ELP4: variants seen among roughly 807,000 people sequenced by gnomAD.
The protein encoded by ELP4 is elongator complex protein 4.
In ELP4, 51 loss-of-function variants were observed where a neutral mutation model predicts 48.9. The ratio of observed to expected loss-of-function variants is 1.04; its 90% CI spans 0.83 to 1.32. ELP4 has a LOEUF of 1.32. ELP4 is among the 40% of genes most tolerant of loss of function. The pLI is 0.00. For missense variants in ELP4, 519 were observed against 514.6 expected, an observed-to-expected ratio of 1.01 and a Z score of -0.08; for synonymous variants, 210 against 189.2, an observed-to-expected ratio of 1.11 and a Z score of -0.90.
At chr11:31,533,637 C>T (rs953474805) in intron 2 of ELP4, among the ~76,000 whole-genome samples, 2 of 151,660 alleles carry the variant, frequency 1.3e-5, no homozygotes, top group Non-Finnish European at 2.9e-5. Context: ...ATCCGCCCGC[C>T]TTGGCCTCCC....
chr11:31,558,003 A>G (rs1376125042), intron 3 of ELP4, among the ~76,000 whole-genome samples: 6 of 152,110 alleles, frequency 3.9e-5, no homozygotes, highest in Admixed American at 6.6e-5. Flanking sequence ...AGGCAGAGCT[A>G]TAATCAGAAT....
chr11:31,714,074 T>C (rs1946794237), intron 9 of ELP4, among the ~76,000 whole-genome samples: 1 of 152,096 alleles, frequency 6.6e-6, no homozygotes, highest in Admixed American at 6.6e-5. Flanking sequence ...TGTGATGGTA[T>C]AGAAAAGACC....
intron 5 of ELP4, among the ~76,000 whole-genome samples, chr11:31,618,142 A>G (rs554515099): frequency 6.6e-6 from 1 of 152,244 alleles, no homozygotes; most frequent in South Asian, 2.1e-4. Flanking sequence ...TATTTATTTC[A>G]CCATAAAAAG....
intron 9 of ELP4, among the ~76,000 whole-genome samples, chr11:31,759,154 AAAG>A (rs1947893620): frequency 6.6e-6 from 1 of 152,210 alleles, no homozygotes; most frequent in African/African-American, 2.4e-5. Flanking sequence ...CAAATAGCAA[AAAG>A]AAGTTTTGCT....
Position 31,623,390 on chromosome 11 carries a change from T to TATATATATATATATATAA in ELP4, c.654-3719_654-3718insTATATATATATATATAAA, listed in dbSNP as rs67986763. On this transcript the variant is annotated intron_variant, in intron 5 of 9. Coordinates refer to ENST00000640961, the MANE Select transcript of ELP4 (RefSeq NM_019040.5). Reference sequence around the variant, plus strand: ...ATATATATATATATATATATATATATAAAACTAGAAACATTGCTGGCAAAG... The same window carrying TATATATATATATATATAA: ...ATATATATATATATATATATATATATATATATATATATATATAAAAAACTAGAAACATTGCTGGCAAAG... 6.2e-3 allele frequency among the ~76,000 whole-genome samples: 570 copies of TATATATATATATATATAA among 92,488 alleles called. 26 individuals are homozygous for TATATATATATATATATAA. The highest frequency in any genetic ancestry group is 0.026 in the Middle Eastern group (3 of 116). 60.7% of individuals were successfully genotyped at this position (92,488 alleles called of 152,430 possible).
chr11:31,570,110 C>T (rs1203767126), intron 3 of ELP4, among the ~76,000 whole-genome samples: 2 of 152,146 alleles, frequency 1.3e-5, no homozygotes, highest in African/African-American at 2.4e-5. Flanking sequence ...GGAACCAACC[C>T]AGGTGCCCGT....
chr11:31,580,929 T>G (rs1206319228), intron 3 of ELP4: 1 of 152,178 alleles, frequency 6.6e-6, no homozygotes, highest in African/African-American at 2.4e-5. Context: ...TCTTCTTCCC[T>G]AGTTAAGTCA....
At chr11:31,719,235 G>T (rs932257122) in intron 9 of ELP4, among the ~76,000 whole-genome samples, 1 of 151,800 alleles carries the variant, frequency 6.6e-6, no homozygotes, top group Non-Finnish European at 1.5e-5. Flanking sequence ...ACTCCAGCCT[G>T]GGTGACAGAG....
At chr11:31,552,841 C>T (rs1187012164) in intron 3 of ELP4, among the ~76,000 whole-genome samples, 2 of 152,098 alleles carry the variant, frequency 1.3e-5, no homozygotes, top group Non-Finnish European at 2.9e-5. Context: ...TGTTACCTCC[C>T]CTTTACCTGT....
At chr11:31,610,341 GTTTT>G (rs1957955171) in intron 5 of ELP4, among the ~76,000 whole-genome samples, 1 of 151,822 alleles carries the variant, frequency 6.6e-6, no homozygotes, top group Non-Finnish European at 1.5e-5. Context: ...GTTTTGTTTT[GTTTT>G]GTTTTTTAAC....
intron 7 of ELP4, among the ~76,000 whole-genome samples, chr11:31,641,275 A>AT (rs1299094195): frequency 3.3e-5 from 5 of 151,776 alleles, no homozygotes; most frequent in African/African-American, 2.4e-5. Flanking sequence ...GTTCATTTCT[A>AT]TATTATTTCA....
intron 3 of ELP4, among the ~76,000 whole-genome samples, chr11:31,587,623 T>G (rs1345976081): frequency 1.3e-5 from 2 of 152,158 alleles, no homozygotes; most frequent in Non-Finnish European, 2.9e-5. Context: ...CATTTTACTT[T>G]ATTTTTGTTT....
rs1946068094 is a variant in ELP4 at position 31,682,172 on chromosome 11, A to G, written c.1143+31951A>G. On this transcript the variant is annotated intron_variant, in intron 9 of 9. Coordinates refer to ENST00000640961, the MANE Select transcript of ELP4 (RefSeq NM_019040.5). ...GCCAAGCTATTGACAAATCTAAGAG[A>G]GATTTAAGTGAAGAGCTGTACTTGA... The G allele has an allele frequency of 5.1e-6, 5 of 975,538 alleles. No individual in the cohort carries two copies. The South Asian group carries it at 1.0e-4, about 20-fold the overall frequency. 60.4% of individuals were successfully genotyped at this position (975,538 alleles called of 1,614,324 possible). A position where few individuals can be genotyped will look rare whatever the true frequency, so the allele number is the denominator to read the frequency against.
At chr11:31,625,805 A>G (rs1944731581) in intron 5 of ELP4, among the ~76,000 whole-genome samples, 1 of 151,808 alleles carries the variant, frequency 6.6e-6, no homozygotes, top group South Asian at 2.1e-4. Context: ...TGAAAAGTTG[A>G]TCTAGCAGGG....
chr11:31,577,425 A>G (rs1169922923), intron 3 of ELP4, among the ~76,000 whole-genome samples: 1 of 152,032 alleles, frequency 6.6e-6, no homozygotes, highest in Non-Finnish European at 1.5e-5. Flanking sequence ...ATTCTCCCTA[A>G]CTCATTTTAT....
intron 3 of ELP4, among the ~76,000 whole-genome samples, chr11:31,569,101 A>T (rs1297637495): frequency 1.3e-5 from 2 of 151,910 alleles, no homozygotes; most frequent in Non-Finnish European, 2.9e-5. Context: ...AAAAATAAAA[A>T]AAAGGAAAGA....
intron 9 of ELP4, chr11:31,662,405 G>C (rs535362122): frequency 7.6e-6 from 3 of 393,310 alleles, no homozygotes; most frequent in African/African-American, 4.1e-5. Flanking sequence ...AATAGAACAT[G>C]TGATTAGCAA....
At chr11:31,520,184 T>C (rs1156935959) in intron 2 of ELP4, 93 bp downstream of exon 2, 9 of 1,057,584 alleles carry the variant, frequency 8.5e-6, no homozygotes, top group Non-Finnish European at 1.2e-5. Flanking sequence ...ATTATTTAAA[T>C]CACTAACACG....
intron 9 of ELP4, among the ~76,000 whole-genome samples, chr11:31,682,832 G>A (rs959124339): frequency 2.0e-5 from 3 of 152,104 alleles, no homozygotes; most frequent in Admixed American, 1.3e-4. Flanking sequence ...AGATATTTGA[G>A]TTGCATCTTG....
Sources: gnomAD v4.1 joint callset for allele counts (sites outside exome capture counted in the v4.1 genomes callset) on GRCh38, gnomAD v4.1.1 for gene constraint, MANE v1.5 for transcripts, NCBI Gene and HGNC (gene_info 2026-07-23, HGNC 2026-07-21) for gene names.